The following TRAK1 variants were observed in gnomAD, a reference collection of about 807,000 sequenced individuals.
TRAK1 encodes the protein trafficking kinesin protein 1.
A neutral mutation model predicts 92.1 loss-of-function variants in TRAK1; 33 were observed. That is an observed-to-expected ratio of 0.36 (90% CI 0.27 to 0.48). TRAK1 has a LOEUF of 0.48. Ranked by LOEUF, TRAK1 falls within the 20% of genes least tolerant of loss-of-function variation. The pLI is 0.99. For missense variants in TRAK1, 1,123 were observed against 1,257.9 expected, an observed-to-expected ratio of 0.89 and a Z score of 1.62; for synonymous variants, 521 against 517.3, an observed-to-expected ratio of 1.01 and a Z score of -0.10.
At chr3:42,106,925 T>C (rs1419910110) in intron 1 of TRAK1, among the ~76,000 whole-genome samples, 1 of 152,220 alleles carries the variant, frequency 6.6e-6, no homozygotes, top group East Asian at 1.9e-4. Flanking sequence ...GATGAATGCA[T>C]TGAATGGTAG....
chr3:42,203,751 GT>G (rs1707993334), intron 13 of TRAK1: 2 of 930,092 alleles, frequency 2.2e-6, no homozygotes, highest in African/African-American at 2.3e-5. Flanking sequence ...CTTCTTAGAC[GT>G]TTTTTCCTAA....
intron 1 of TRAK1, among the ~76,000 whole-genome samples, chr3:42,039,021 T>C (rs1702435927): frequency 6.6e-6 from 1 of 151,996 alleles, no homozygotes; most frequent in African/African-American, 2.4e-5. Flanking sequence ...CACAATATTA[T>C]TTTAGAACAT....
chr3:42,046,144 G>A (rs761396184), intron 1 of TRAK1, among the ~76,000 whole-genome samples: 2 of 152,066 alleles, frequency 1.3e-5, no homozygotes, highest in Non-Finnish European at 2.9e-5. Context: ...CGGTATCTAA[G>A]CCAGTAATGT....
intron 2 of TRAK1, among the ~76,000 whole-genome samples, chr3:42,169,928 C>T (rs1197073263): frequency 1.3e-5 from 2 of 152,130 alleles, no homozygotes; most frequent in Non-Finnish European, 2.9e-5. Context: ...TCTTTTTGGC[C>T]TGTGGGAAGA....
At chr3:42,027,275 G>T (rs1178330744) in intron 1 of TRAK1, among the ~76,000 whole-genome samples, 1 of 152,154 alleles carries the variant, frequency 6.6e-6, no homozygotes, top group African/African-American at 2.4e-5. Flanking sequence ...TGTAATCCCA[G>T]CACTTTGGGA....
chr3:42,150,706 C>G (rs145261839), intron 2 of TRAK1, among the ~76,000 whole-genome samples: 66 of 152,280 alleles, frequency 4.3e-4, no homozygotes, highest in African/African-American at 1.4e-3. Flanking sequence ...TTTGCCGCGA[C>G]TGTGGGTTAA....
intron 1 of TRAK1, among the ~76,000 whole-genome samples, chr3:42,030,372 AAT>A (rs1553701575): frequency 2.3e-5 from 3 of 132,312 alleles, no homozygotes; most frequent in African/African-American, 8.4e-5. Context: ...TAAAAAAAAA[AAT>A]ATATATATAT....
At chr3:42,122,563 C>T (rs1033135542) in intron 1 of TRAK1, among the ~76,000 whole-genome samples, 2 of 152,172 alleles carry the variant, frequency 1.3e-5, no homozygotes, top group African/African-American at 4.8e-5. Flanking sequence ...GGTGTCAGCC[C>T]TGTTTAACCC....
intron 2 of TRAK1, among the ~76,000 whole-genome samples, chr3:42,172,778 T>A (rs1260582211): frequency 2.6e-5 from 4 of 152,172 alleles, no homozygotes; most frequent in Non-Finnish European, 5.9e-5. Context: ...CGTGTGTATT[T>A]TACTATGGTG....
At chr3:42,062,131 A>G (rs914320260) in intron 1 of TRAK1, among the ~76,000 whole-genome samples, 3 of 152,218 alleles carry the variant, frequency 2.0e-5, no homozygotes, top group Non-Finnish European at 2.9e-5. Context: ...GATTTTGACA[A>G]TGGACAAGTC....
intron 3 of TRAK1, 26 bp downstream of exon 3, chr3:42,176,916 G>A: frequency 1.2e-6 from 2 of 1,605,988 alleles, no homozygotes; most frequent in Non-Finnish European, 1.7e-6. Flanking sequence ...GAAGGCAAAA[G>A]AGTTGTTTAT....
chr3:42,023,562 T>G (rs374575546), intron 1 of TRAK1, among the ~76,000 whole-genome samples: 1 of 151,752 alleles, frequency 6.6e-6, no homozygotes, highest in Middle Eastern at 3.2e-3. Flanking sequence ...CGAGTGATAG[T>G]GTGGGTAGAT....
chr3:42,056,224 G>C (rs530542305), intron 1 of TRAK1, among the ~76,000 whole-genome samples: 2 of 152,186 alleles, frequency 1.3e-5, no homozygotes, highest in Admixed American at 6.5e-5. Context: ...TAGATCATGT[G>C]GTAACTCTGT....
At chr3:42,209,663 T>C in intron 13 of TRAK1, 104 bp from the exon 14 acceptor site, 2 of 1,182,148 alleles carry the variant, frequency 1.7e-6, no homozygotes, top group Non-Finnish European at 2.4e-6. Context: ...CTGCTGGGGT[T>C]CACGCTAAGC....
intron 2 of TRAK1, among the ~76,000 whole-genome samples, chr3:42,147,825 G>A (rs745545353): frequency 1.2e-4 from 19 of 152,212 alleles, no homozygotes; most frequent in Non-Finnish European, 2.5e-4. Context: ...GGGTACCCCA[G>A]AGCAGAGAGA....
chr3:42,200,768 A>G, intron 11 of TRAK1, 50 bp from the exon 12 acceptor site: 1 of 1,593,936 alleles, frequency 6.3e-7, no homozygotes, highest in Non-Finnish European at 8.6e-7. Context: ...GTTAAACTCC[A>G]GGGTTGTGCC....
chr3:42,031,820 A>G (rs1702157619), intron 1 of TRAK1, among the ~76,000 whole-genome samples: 2 of 152,120 alleles, frequency 1.3e-5, no homozygotes, highest in South Asian at 4.2e-4. Context: ...TGGATAATAA[A>G]ATGCCCCCAG....
chr3:42,180,737 A>G (rs1363987358), intron 3 of TRAK1, among the ~76,000 whole-genome samples: 1 of 151,946 alleles, frequency 6.6e-6, no homozygotes, highest in Non-Finnish European at 1.5e-5. Context: ...AGAAAGGGAT[A>G]TCATCACTTC....
chr3:42,156,358 C>T (rs951429460), intron 2 of TRAK1, among the ~76,000 whole-genome samples: 3 of 152,128 alleles, frequency 2.0e-5, no homozygotes, highest in Non-Finnish European at 2.9e-5. Context: ...AGAGGGATAT[C>T]GTGAAGAGTG....
Sources: gnomAD v4.1 joint callset for allele counts (sites outside exome capture counted in the v4.1 genomes callset) on GRCh38, gnomAD v4.1.1 for gene constraint, MANE v1.5 for transcripts, NCBI Gene and HGNC (gene_info 2026-07-23, HGNC 2026-07-21) for gene names.